The following DOCK3 variants were observed in gnomAD, a reference collection of about 807,000 sequenced individuals.
The protein encoded by DOCK3 is dedicator of cytokinesis 3.
DOCK3 carries 60 observed loss-of-function variants against 265.6 expected under a neutral mutation model. The observed-to-expected ratio is 0.23, with a 90% CI of 0.18 to 0.28. The LOEUF is 0.28. DOCK3 is among the 10% of genes least tolerant of loss of function. DOCK3 has a pLI of 1.00. For synonymous variants in DOCK3, 881 were observed against 938.0 expected, an observed-to-expected ratio of 0.94 and a Z score of 1.11; for missense variants, 1,981 against 2,594.3, an observed-to-expected ratio of 0.76 and a Z score of 5.14.
chr3:51,159,578 G>A (rs1163424914), intron 11 of DOCK3, among the ~76,000 whole-genome samples: 1 of 152,056 alleles, frequency 6.6e-6, no homozygotes, highest in Non-Finnish European at 1.5e-5. Flanking sequence ...TATTTAAAAT[G>A]GTCTACTTCT....
intron 1 of DOCK3, among the ~76,000 whole-genome samples, chr3:50,734,788 AG>A (rs1309255557): frequency 6.6e-6 from 1 of 151,860 alleles, no homozygotes; most frequent in Non-Finnish European, 1.5e-5. Context: ...TATTTTTAGT[AG>A]AGGCGGGGTT....
chr3:50,751,903 C>G (rs558097771), intron 1 of DOCK3, among the ~76,000 whole-genome samples: 1 of 152,144 alleles, frequency 6.6e-6, no homozygotes, highest in South Asian at 2.1e-4. Flanking sequence ...ATAAAACCAT[C>G]AGATCTCCTG....
chr3:50,985,278 C>A (rs1272784875), intron 5 of DOCK3, among the ~76,000 whole-genome samples: 1 of 152,152 alleles, frequency 6.6e-6, no homozygotes, highest in Non-Finnish European at 1.5e-5. Context: ...TAAAAGCCTA[C>A]AGTGAAAATG....
intron 2 of DOCK3, among the ~76,000 whole-genome samples, chr3:50,804,789 C>T (rs1029303984): frequency 6.6e-6 from 1 of 151,988 alleles, no homozygotes. Context: ...GGGAGAAATT[C>T]TTTCTTCTGC....
intron 32 of DOCK3, among the ~76,000 whole-genome samples, chr3:51,318,333 C>T (rs2083485071): frequency 1.3e-5 from 2 of 152,098 alleles, no homozygotes; most frequent in Non-Finnish European, 2.9e-5. Flanking sequence ...GATCTGAGAT[C>T]GCACCACTGC....
intron 27 of DOCK3, among the ~76,000 whole-genome samples, chr3:51,309,008 C>T (rs1373712258): frequency 4.0e-5 from 6 of 150,398 alleles, no homozygotes; most frequent in Non-Finnish European, 7.4e-5. Context: ...AGAGGCGCTC[C>T]CCACATCTCA....
chr3:51,327,935 G>C (rs1280320361), intron 32 of DOCK3, among the ~76,000 whole-genome samples: 1 of 152,062 alleles, frequency 6.6e-6, no homozygotes, highest in East Asian at 1.9e-4. Flanking sequence ...GCCCGCCTCA[G>C]CCTTCCAAAG....
At chr3:51,192,888 A>G (rs1003600588) in intron 12 of DOCK3, among the ~76,000 whole-genome samples, 1 of 152,116 alleles carries the variant, frequency 6.6e-6, no homozygotes, top group Non-Finnish European at 1.5e-5. Flanking sequence ...TAACTCATCC[A>G]ACTTGGATGC....
At chr3:50,890,555 A>T (rs1275802984) in intron 4 of DOCK3, among the ~76,000 whole-genome samples, 1 of 152,146 alleles carries the variant, frequency 6.6e-6, no homozygotes, top group Admixed American at 6.6e-5. Context: ...AGAGACAAGA[A>T]ATAAATATAT....
chr3:51,317,063 C>T (rs1442113387), intron 32 of DOCK3, among the ~76,000 whole-genome samples: 1 of 151,974 alleles, frequency 6.6e-6, no homozygotes, highest in African/African-American at 2.4e-5. Context: ...TTTCTCCTGT[C>T]TTTTCTTCTA....
At chr3:51,016,627 A>C (rs1313797078) in intron 5 of DOCK3, among the ~76,000 whole-genome samples, 4 of 35,462 alleles carry the variant, frequency 1.1e-4, no homozygotes, top group South Asian at 2.5e-3. Context: ...TTATATATAT[A>C]ATATATATGA....
At chr3:50,805,268 T>G (rs2043342232) in intron 2 of DOCK3, among the ~76,000 whole-genome samples, 1 of 152,172 alleles carries the variant, frequency 6.6e-6, no homozygotes, top group Non-Finnish European at 1.5e-5. Context: ...TAGTGGAATT[T>G]GCATGTTTCT....
chr3:50,893,530 C>T (rs1164598441), intron 4 of DOCK3, among the ~76,000 whole-genome samples: 1 of 151,792 alleles, frequency 6.6e-6, no homozygotes, highest in Non-Finnish European at 1.5e-5. Context: ...AATAGAGGAG[C>T]GAGTCAACTT....
At chr3:51,201,727 C>T (rs1237628479) in intron 12 of DOCK3, among the ~76,000 whole-genome samples, 1 of 152,126 alleles carries the variant, frequency 6.6e-6, no homozygotes. Context: ...ACATTTTTTT[C>T]AGCACCACAC....
At chr3:50,831,758 C>G (rs778951434) in intron 2 of DOCK3, among the ~76,000 whole-genome samples, 7 of 152,110 alleles carry the variant, frequency 4.6e-5, no homozygotes, top group Non-Finnish European at 1.0e-4. Context: ...AATGGGATTG[C>G]TAGGTCAAAT....
chr3:50,830,693 G>C (rs988864780), intron 2 of DOCK3, among the ~76,000 whole-genome samples: 2 of 152,162 alleles, frequency 1.3e-5, no homozygotes, highest in African/African-American at 4.8e-5. Context: ...TTCTCTGTCA[G>C]TACCAATTGT....
intron 2 of DOCK3, among the ~76,000 whole-genome samples, chr3:50,827,498 C>A (rs2044836531): frequency 6.6e-6 from 1 of 152,126 alleles, no homozygotes; most frequent in Non-Finnish European, 1.5e-5. Flanking sequence ...ATGATCCAGT[C>A]ACCTTTTCAA....
At chr3:51,182,620 G>T (rs2087366831) in intron 12 of DOCK3, among the ~76,000 whole-genome samples, 1 of 152,114 alleles carries the variant, frequency 6.6e-6, no homozygotes, top group Admixed American at 6.5e-5. Context: ...ATTTCACCTT[G>T]AAGTTTTTCT....
chr3:50,799,014 C>A (rs1305961773), intron 2 of DOCK3, among the ~76,000 whole-genome samples: 1 of 152,130 alleles, frequency 6.6e-6, no homozygotes, highest in African/African-American at 2.4e-5. Context: ...GTACTTTTAT[C>A]AAAAACTAAT....
Sources: allele counts gnomAD v4.1 joint callset (sites outside exome capture counted in the v4.1 genomes callset), GRCh38; gene constraint gnomAD v4.1.1; transcripts MANE v1.5; gene names NCBI Gene and HGNC (gene_info 2026-07-23, HGNC 2026-07-21).